Variants in NRG2 observed in about 807,000 individuals in gnomAD.
NRG2 encodes the protein pro-neuregulin-2, membrane-bound isoform.
Under a neutral mutation model 73.9 loss-of-function variants are expected in NRG2, and 27 were observed. The observed-to-expected ratio is 0.37, with a 90% CI of 0.27 to 0.50. NRG2 has a LOEUF of 0.50. NRG2 is among the 20% of genes least tolerant of loss of function. The probability of loss-of-function intolerance (pLI) is 0.96; values close to 1 mark genes in which losing one functional copy is unlikely to be tolerated. For missense variants in NRG2, 1,126 were observed against 1,210.1 expected (o/e 0.93, Z 1.03); for synonymous variants, 532 against 541.0 (o/e 0.98, Z 0.23).
At chr5:139,941,853 CCCATAGCATGGGAAGAGTGTAAAGCAGCT>C (rs1753424337) in intron 1 of NRG2, among the ~76,000 whole-genome samples, 1 of 152,126 alleles carries the variant, frequency 6.6e-6, no homozygotes, top group Non-Finnish European at 1.5e-5. Context: ...GTTTCAACTT[CCCATAGCATGGGAAGAGTGTAAAGCAGCT>C]TGACATGATT....
intron 1 of NRG2, among the ~76,000 whole-genome samples, chr5:139,938,871 AG>A (rs1753059872): frequency 1.8e-5 from 2 of 109,316 alleles, no homozygotes; most frequent in African/African-American, 4.4e-5. Flanking sequence ...AGAGAGAGAG[AG>A]AGAGAGAGAA....
At chr5:140,021,674 T>C (rs2126668998) in intron 1 of NRG2, among the ~76,000 whole-genome samples, 1 of 152,286 alleles carries the variant, frequency 6.6e-6, no homozygotes, top group Non-Finnish European at 1.5e-5. Context: ...GATTCCTGAA[T>C]ACACAGGCAA....
At chr5:140,030,746 G>T (rs1761074569) in intron 1 of NRG2, among the ~76,000 whole-genome samples, 1 of 152,194 alleles carries the variant, frequency 6.6e-6, no homozygotes, top group African/African-American at 2.4e-5. Context: ...AGAGGTGGTG[G>T]TGTCTGGCTC....
At chr5:139,938,434 G>C (rs1245698013) in intron 1 of NRG2, among the ~76,000 whole-genome samples, 1 of 151,516 alleles carries the variant, frequency 6.6e-6, no homozygotes, top group African/African-American at 2.4e-5. Flanking sequence ...ATAGCTCACT[G>C]CAGCCTTTAT....
chr5:140,042,842 G>C lies in NRG2; in HGVS notation c.228C>G (p.Pro76=). ...RPQQQPQPRS[P]AARRAAARSR... ...AACGGGCGGCGGCTCTCCGGGCTGC[G>C]GGGCTGCGGGGCTGCGGCTGTTGCT... The change falls in exon 1 of 10, where the codon CCC becomes CCG. Residue 76 remains proline, a synonymous_variant. Transcript: ENST00000361474. The C allele has an allele frequency of 1.4e-6, 2 of 1,477,552 alleles. No individual in the cohort carries two copies. Among genetic ancestry groups the C allele is most frequent in the Non-Finnish European group, 1.8e-6 (2 of 1,117,494 alleles). 91.5% of individuals were successfully genotyped at this position (1,477,552 alleles called of 1,614,324 possible).
rs1221497327 is a variant in NRG2 at position 139,869,183 on chromosome 5, CAGG to C, written c.1112+2535_1112+2537del. ...CTTTTGGCACTGAATTCCAGAAAAA[CAGG>C]AGGGACGGAGTGTGCCTGCTTTCCA... is the stretch of plus-strand genomic sequence containing the variant. On this transcript the variant is annotated intron_variant, in intron 4 of 9. Coordinates refer to ENST00000361474, the MANE Select transcript of NRG2 (RefSeq NM_004883.3). This position sits in a 1 kb window ranked among gnomAD's most constrained non-coding sequence, Gnocchi z 4.5. Among the ~76,000 whole-genome samples, 5 of 151,968 alleles carry C rather than the reference CAGG, an allele frequency of 3.3e-5. No individual in the cohort carries two copies. Among genetic ancestry groups the C allele is most frequent in the Non-Finnish European group, 7.4e-5 (5 of 67,996 alleles).
At chr5:139,951,114 A>T (rs915201018) in intron 1 of NRG2, among the ~76,000 whole-genome samples, 2 of 152,216 alleles carry the variant, frequency 1.3e-5, no homozygotes, top group African/African-American at 4.8e-5. Context: ...TGCTTTTTCC[A>T]CTGCCCCATG....
intron 1 of NRG2, among the ~76,000 whole-genome samples, chr5:139,966,474 T>C (rs1755526549): frequency 6.6e-6 from 1 of 151,968 alleles, no homozygotes; most frequent in Admixed American, 6.5e-5. Context: ...AGAGGTAAGA[T>C]CAGAGGACCC....
intron 1 of NRG2, among the ~76,000 whole-genome samples, chr5:139,993,288 C>A (rs754318728): frequency 1.7e-4 from 26 of 152,148 alleles, no homozygotes; most frequent in Non-Finnish European, 2.8e-4. Context: ...CCCACAAGAG[C>A]CCCACAAAAA....
intron 1 of NRG2, among the ~76,000 whole-genome samples, chr5:139,920,055 A>G (rs1221250298): frequency 6.6e-6 from 1 of 152,248 alleles, no homozygotes. Context: ...ATGAGACCAC[A>G]GGGAACATCT....
At chr5:139,923,788 G>A (rs1026903460) in intron 1 of NRG2, among the ~76,000 whole-genome samples, 1 of 152,130 alleles carries the variant, frequency 6.6e-6, no homozygotes, top group African/African-American at 2.4e-5. Flanking sequence ...GGGCTGATGG[G>A]ACCCATTTGG....
At chr5:139,922,428 G>A (rs759792564) in intron 1 of NRG2, among the ~76,000 whole-genome samples, 2 of 152,120 alleles carry the variant, frequency 1.3e-5, no homozygotes, top group South Asian at 2.1e-4. Flanking sequence ...AGAATGCCCC[G>A]AATCCAAAAC....
intron 1 of NRG2, among the ~76,000 whole-genome samples, chr5:139,966,374 C>T (rs1308409330): frequency 6.6e-6 from 1 of 152,164 alleles, no homozygotes; most frequent in African/African-American, 2.4e-5. Context: ...TAAACAAAAC[C>T]ACTGGCCCCT....
rs1554098498 is a variant in NRG2 at position 139,848,719 on chromosome 5, T to TGGGCCAGGGCC, written c.1773-33_1773-23dup. ...GTACCTGCGGGGAGAGGCAGAGGCA[T>TGGGCCAGGGCC]GGGCCAGGGCCAGGCCGGGCCGGCG... On this transcript the variant is annotated intron_variant, in intron 9 of 9. Coordinates refer to ENST00000361474, the MANE Select transcript of NRG2 (RefSeq NM_004883.3). 1.0e-5 allele frequency: 12 copies of TGGGCCAGGGCC among 1,190,794 alleles called. No individual in the cohort carries two copies. The African/African-American group carries it at 2.3e-4, about 23-fold the overall frequency. 73.8% of individuals were successfully genotyped at this position (1,190,794 alleles called of 1,614,324 possible). A position where few individuals can be genotyped will look rare whatever the true frequency, so the allele number is the denominator to read the frequency against.
intron 1 of NRG2, among the ~76,000 whole-genome samples, chr5:139,896,086 G>T (rs1427396814): frequency 2.0e-5 from 3 of 152,094 alleles, no homozygotes; most frequent in Non-Finnish European, 4.4e-5. Flanking sequence ...AGCAGGGGTT[G>T]GGGAAAGGGG....
At chr5:139,880,610 A>G (rs1177547596) in intron 3 of NRG2, among the ~76,000 whole-genome samples, 3 of 152,130 alleles carry the variant, frequency 2.0e-5, no homozygotes, top group Non-Finnish European at 2.9e-5. Context: ...ATTTCAAAAT[A>G]TTTAGTTTTC....
Position 139,851,672 on chromosome 5 carries a change from C to T in NRG2, c.1704G>A (p.Arg568=). The change falls in exon 9 of 10, where the codon CGG becomes CGA. Residue 568 remains arginine (R), a synonymous_variant. Coordinates refer to ENST00000361474, the MANE Select transcript of NRG2 (RefSeq NM_004883.3). The surrounding 1 kb of genome is among the most constrained non-coding windows in gnomAD (Gnocchi z 4.2). ...RRAAAYNLEE[R]RRATAPPYHD... The stretch of plus-strand genomic sequence containing the variant: ...GATAGGGTGGCGCGGTGGCCCTGCG[C>T]CGCTCCTCCAGGTTGTAGGCTGCTG... 1.2e-6 allele frequency: 2 copies of T among 1,614,166 alleles called. No individual in the cohort carries two copies. Among genetic ancestry groups the T allele is most frequent in the Non-Finnish European group, 8.5e-7 (1 of 1,180,040 alleles).
chr5:139,901,273 G>T (rs1248425653), intron 1 of NRG2, among the ~76,000 whole-genome samples: 2 of 152,212 alleles, frequency 1.3e-5, no homozygotes, highest in Non-Finnish European at 2.9e-5. Flanking sequence ...ATGAAAGACT[G>T]TTGGGAAGTA....
At chr5:139,849,126 C>T (rs768875966) in intron 9 of NRG2, among the ~76,000 whole-genome samples, 3 of 152,120 alleles carry the variant, frequency 2.0e-5, no homozygotes, top group Non-Finnish European at 4.4e-5. Context: ...CCATTCTACA[C>T]GCAGGAAAGT....
Sources: gnomAD v4.1 joint callset for allele counts (sites outside exome capture counted in the v4.1 genomes callset) on GRCh38, gnomAD v4.1.1 for gene constraint, Gnocchi (gnomAD v3.1) non-coding constraint, MANE v1.5 for transcripts, NCBI Gene and HGNC (gene_info 2026-07-23, HGNC 2026-07-21) for gene names.